Variants in TAFA4 observed in about 807,000 individuals in gnomAD.
TAFA4 encodes the protein chemokine-like protein TAFA-4.
A neutral mutation model predicts 21.1 loss-of-function variants in TAFA4; 20 were observed. The observed-to-expected ratio is 0.95, with a 90% CI of 0.67 to 1.38. TAFA4 has a LOEUF of 1.38. Among genes scored for constraint, TAFA4 ranks in the 40% most tolerant of loss-of-function variants. TAFA4 has a pLI of 0.00. For synonymous variants in TAFA4, 71 were observed against 67.4 expected (o/e 1.05, Z -0.26); for missense variants, 211 against 180.9 (o/e 1.17, Z -0.95).
intron 3 of TAFA4, among the ~76,000 whole-genome samples, chr3:68,846,308 G>A (rs1456700261): frequency 6.6e-6 from 1 of 151,650 alleles, no homozygotes; most frequent in Admixed American, 6.6e-5. Context: ...GATTGATTCA[G>A]CTATTGATAC....
intron 3 of TAFA4, among the ~76,000 whole-genome samples, chr3:68,806,986 A>T (rs1381298379): frequency 6.6e-6 from 1 of 152,224 alleles, no homozygotes; most frequent in African/African-American, 2.4e-5. Flanking sequence ...AGCTGGAAAT[A>T]GGAGAATGAA....
chr3:68,820,278 TGAGA>T (rs1704083640), intron 3 of TAFA4, among the ~76,000 whole-genome samples: 1 of 152,152 alleles, frequency 6.6e-6, no homozygotes, highest in Non-Finnish European at 1.5e-5. Context: ...TGCCAGAGGC[TGAGA>T]GATAAGATAT....
At chr3:68,823,393 G>C (rs184828042) in intron 3 of TAFA4, among the ~76,000 whole-genome samples, 20 of 152,220 alleles carry the variant, frequency 1.3e-4, no homozygotes, top group Admixed American at 2.0e-4. Flanking sequence ...GTCATTGAAT[G>C]CTCATCACTA....
intron 3 of TAFA4, among the ~76,000 whole-genome samples, chr3:68,813,874 T>A (rs903412021): frequency 6.6e-5 from 10 of 152,028 alleles, no homozygotes; most frequent in Non-Finnish European, 1.5e-5. Context: ...AAAAGAGAAT[T>A]TTAGACCAAT....
In TAFA4 at chr3:68,822,082, T is replaced by A. The variant is rs545985849; in HGVS notation, c.130+58648A>T. Among the ~76,000 whole-genome samples, 5 of 152,334 alleles carry A rather than the reference T, an allele frequency of 3.3e-5. No individual in the cohort carries two copies. The South Asian group carries it at 1.0e-3, about 32-fold the overall frequency. ...GTGTGGACAGCTGTGAAGAGCTACT[T>A]GTTTACTTGTGGCTGCCACAGCTGT... On this transcript the variant is annotated intron_variant, in intron 3 of 5. Transcript: ENST00000295569.
intron 3 of TAFA4, among the ~76,000 whole-genome samples, chr3:68,836,833 A>G (rs553808824): frequency 4.6e-5 from 7 of 152,330 alleles, no homozygotes; most frequent in African/African-American, 1.7e-4. Context: ...AGTCTTGACT[A>G]TGCTTGCTCC....
At chr3:68,794,553 C>T (rs1162347573) in intron 3 of TAFA4, among the ~76,000 whole-genome samples, 11 of 152,134 alleles carry the variant, frequency 7.2e-5, no homozygotes, top group African/African-American at 2.2e-4. Context: ...ACTTTCATAT[C>T]GTTTCTATTT....
chr3:68,812,402 C>T (rs955706808), intron 3 of TAFA4, among the ~76,000 whole-genome samples: 1 of 152,016 alleles, frequency 6.6e-6, no homozygotes, highest in South Asian at 2.1e-4. Flanking sequence ...GAGTCAAGAC[C>T]CATCAGTGTG....
chr3:68,739,682 C>G (rs995230936), intron 4 of TAFA4, among the ~76,000 whole-genome samples: 1 of 152,208 alleles, frequency 6.6e-6, no homozygotes, highest in African/African-American at 2.4e-5. Flanking sequence ...CTATCAAATA[C>G]TACTGAGCCA....
chr3:68,832,804 A>G (rs1704431539), intron 3 of TAFA4, among the ~76,000 whole-genome samples: 2 of 152,204 alleles, frequency 1.3e-5, no homozygotes, highest in Admixed American at 1.3e-4. Flanking sequence ...CGGAATCTAG[A>G]GAGGCAGTAG....
chr3:68,905,390 G>A (rs1462813646), intron 1 of TAFA4, among the ~76,000 whole-genome samples: 1 of 152,026 alleles, frequency 6.6e-6, no homozygotes, highest in African/African-American at 2.4e-5. Context: ...GGATGGTATC[G>A]ATCTCCTGAC....
chr3:68,749,004 A>G (rs1297526168), intron 4 of TAFA4, among the ~76,000 whole-genome samples: 1 of 152,226 alleles, frequency 6.6e-6, no homozygotes, highest in Non-Finnish European at 1.5e-5. Context: ...AGACCTGTAT[A>G]TGCCAGCCGA....
intron 3 of TAFA4, among the ~76,000 whole-genome samples, chr3:68,792,209 G>C (rs1398028686): frequency 6.6e-6 from 1 of 152,172 alleles, no homozygotes; most frequent in Non-Finnish European, 1.5e-5. Flanking sequence ...TCAAGAATAA[G>C]AAGTTAGCAG....
intron 1 of TAFA4, among the ~76,000 whole-genome samples, chr3:68,905,636 G>GA (rs1296467764): frequency 6.6e-6 from 1 of 152,180 alleles, no homozygotes; most frequent in Non-Finnish European, 1.5e-5. Flanking sequence ...ATGACAAGGA[G>GA]GAGACAGACC....
intron 3 of TAFA4, among the ~76,000 whole-genome samples, chr3:68,814,551 C>T (rs565935948): frequency 3.0e-4 from 45 of 152,290 alleles, no homozygotes; most frequent in Non-Finnish European, 5.4e-4. Context: ...CATGAGTGAA[C>T]TCCCATTCAC....
chr3:68,811,793 G>A (rs1321075362), intron 3 of TAFA4, among the ~76,000 whole-genome samples: 2 of 152,136 alleles, frequency 1.3e-5, no homozygotes, highest in African/African-American at 2.4e-5. Context: ...ACCAAGGCAG[G>A]CCAACATTCA....
intron 1 of TAFA4, among the ~76,000 whole-genome samples, chr3:68,892,061 T>C (rs1356289447): frequency 6.6e-6 from 1 of 152,148 alleles, no homozygotes; most frequent in Non-Finnish European, 1.5e-5. Flanking sequence ...CCAACGTTTA[T>C]GTGAATATAT....
At chr3:68,840,806 T>C (rs1273675324) in intron 3 of TAFA4, among the ~76,000 whole-genome samples, 1 of 152,168 alleles carries the variant, frequency 6.6e-6, no homozygotes, top group African/African-American at 2.4e-5. Flanking sequence ...GCACCATGTC[T>C]GCCAAAGACC....
intron 3 of TAFA4, among the ~76,000 whole-genome samples, chr3:68,805,505 C>T (rs144714345): frequency 0.023 from 3,536 of 152,228 alleles, 134 homozygotes; most frequent in African/African-American, 0.081. Context: ...CACATGCACA[C>T]GTATGTTTAT....
Sources: gnomAD v4.1 joint callset for allele counts (sites outside exome capture counted in the v4.1 genomes callset) on GRCh38, gnomAD v4.1.1 for gene constraint, MANE v1.5 for transcripts, NCBI Gene and HGNC (gene_info 2026-07-23, HGNC 2026-07-21) for gene names.